The following TEKTL1 variants were observed in gnomAD, a reference collection of about 807,000 sequenced individuals.
TEKTL1 encodes tektin like 1.
At chr19:15,013,807 G>A in the TEKTL1 span, 11 of 1,443,014 alleles carry the variant, frequency 7.6e-6, no homozygotes, top group African/African-American at 1.4e-5. Flanking sequence ...AGTTACGGGG[G>A]CTGGAGGGGG....
chr19:15,012,244 C>G, the TEKTL1 span, among the ~76,000 whole-genome samples: 1 of 151,734 alleles, frequency 6.6e-6, no homozygotes, highest in African/African-American at 2.4e-5. Context: ...ATGGGCAACA[C>G]AGTGAGATCC....
chr19:15,021,916 A>T, the TEKTL1 span: 3 of 1,612,614 alleles, frequency 1.9e-6, no homozygotes, highest in Non-Finnish European at 2.5e-6. Context: ...CGCGCCTCGC[A>T]CAGGTAAACC....
chr19:15,011,254 G>A, the TEKTL1 span: 1 of 1,510,034 alleles, frequency 6.6e-7, no homozygotes, highest in Non-Finnish European at 8.8e-7. Flanking sequence ...TCGGCCGCGC[G>A]CAGCACCAGA....
the TEKTL1 span, chr19:15,013,694 T>C: frequency 4.3e-6 from 7 of 1,613,590 alleles, no homozygotes; most frequent in Non-Finnish European, 5.9e-6. Context: ...GCTGACAGTA[T>C]GCTTACATGG....
the TEKTL1 span, chr19:15,020,362 C>A: frequency 4.0e-6 from 4 of 988,410 alleles, no homozygotes; most frequent in Non-Finnish European, 6.0e-6. Flanking sequence ...AAATGCTTTA[C>A]AGCCTATAAG....
chr19:15,010,856 A>C, the TEKTL1 span: 1 of 1,550,736 alleles, frequency 6.4e-7, no homozygotes, highest in Non-Finnish European at 8.7e-7. Flanking sequence ...GGCTGAGCGC[A>C]GCCAGGACAC....
the TEKTL1 span, chr19:15,022,788 C>T: frequency 1.5e-6 from 2 of 1,339,720 alleles, no homozygotes; most frequent in Admixed American, 2.4e-5. Context: ...GTGTTCCTTA[C>T]ACACACACCT....
At chr19:15,014,354 ATCTGGTACCTGCT>A in the TEKTL1 span, among the ~76,000 whole-genome samples, 1 of 152,084 alleles carries the variant, frequency 6.6e-6, no homozygotes, top group African/African-American at 2.4e-5. Flanking sequence ...ATAAATACTA[ATCTGGTACCTGCT>A]TCCCAGGCAC....
chr19:15,015,301 A>G, the TEKTL1 span, among the ~76,000 whole-genome samples: 1 of 152,162 alleles, frequency 6.6e-6, no homozygotes. Context: ...CACCAATCAG[A>G]TTTGTTTCAA....
At chr19:15,017,370 G>A in the TEKTL1 span, among the ~76,000 whole-genome samples, 210 of 126,158 alleles carry the variant, frequency 1.7e-3, no homozygotes, top group African/African-American at 5.0e-3. Flanking sequence ...GTGTTTATAA[G>A]GGTGTATATA....
the TEKTL1 span, chr19:15,022,966 C>A: frequency 1.2e-6 from 2 of 1,613,458 alleles, no homozygotes; most frequent in South Asian, 2.2e-5. Context: ...GCCTCAACTG[C>A]AAGAACATCG....
At chr19:15,020,330 G>A in the TEKTL1 span, 188 of 739,758 alleles carry the variant, frequency 2.5e-4, 1 homozygote, top group African/African-American at 3.2e-3. Flanking sequence ...AAATGAGAGT[G>A]TCAGTTTCCG....
the TEKTL1 span, chr19:15,023,004 G>A: frequency 1.2e-6 from 2 of 1,610,218 alleles, no homozygotes; most frequent in Non-Finnish European, 1.7e-6. Context: ...AACGTGGTGC[G>A]CCTGCGCCTG....
At chr19:15,021,569 C>T in the TEKTL1 span, 2 of 1,613,310 alleles carry the variant, frequency 1.2e-6, no homozygotes, top group Admixed American at 1.7e-5. Context: ...GGGGAGGAGA[C>T]GCGGACTGGG....
chr19:15,011,186 C>A, the TEKTL1 span: 4 of 1,487,338 alleles, frequency 2.7e-6, no homozygotes, highest in South Asian at 1.4e-5. Context: ...GCGCGCCCTG[C>A]AGACCACCGA....
At chr19:15,011,211 A>G in the TEKTL1 span, 1 of 1,474,888 alleles carries the variant, frequency 6.8e-7, no homozygotes, top group Non-Finnish European at 9.0e-7. Context: ...GTGCACGCGC[A>G]CGCGCGTGGA....
chr19:15,020,792 T>C, the TEKTL1 span: 1 of 729,932 alleles, frequency 1.4e-6, no homozygotes, highest in East Asian at 2.7e-5. Context: ...TGAAAGCCTA[T>C]CATGCTGAGC....
At chr19:15,022,829 C>T in the TEKTL1 span, 2 of 1,541,256 alleles carry the variant, frequency 1.3e-6, no homozygotes, top group Admixed American at 4.0e-5. Flanking sequence ...CGCCAGGTAG[C>T]CATCTGCTCT....
At chr19:15,019,473 CA>C in the TEKTL1 span, among the ~76,000 whole-genome samples, 1 of 152,050 alleles carries the variant, frequency 6.6e-6, no homozygotes, top group African/African-American at 2.4e-5. Context: ...ATACACAAAT[CA>C]AAGCATCACA....
Sources: allele counts gnomAD v4.1 joint callset (sites outside exome capture counted in the v4.1 genomes callset), GRCh38; gene constraint gnomAD v4.1.1; transcripts MANE v1.5; gene names NCBI Gene and HGNC (gene_info 2026-07-23, HGNC 2026-07-21).